Variants in PLEKHA7 observed in about 807,000 individuals in gnomAD.
The protein encoded by PLEKHA7 is pleckstrin homology domain containing A7.
PLEKHA7 carries 104 observed loss-of-function variants against 170.0 expected under a neutral mutation model. The observed-to-expected ratio is 0.61, with a 90% confidence interval of 0.52 to 0.72. The LOEUF (loss-of-function observed/expected upper bound fraction) is 0.72, where lower values mean the gene tolerates loss of function less well. PLEKHA7 is among the 30% of genes least tolerant of loss of function. The pLI, the probability that PLEKHA7 is intolerant of heterozygous loss-of-function variation, is 0.00. For synonymous variants in PLEKHA7, 648 were observed against 660.8 expected, an observed-to-expected ratio of 0.98 and a Z score of 0.30; for missense variants, 1,615 against 1,671.7, an observed-to-expected ratio of 0.97 and a Z score of 0.59.
At chr11:16,814,984 C>G (rs1849641508) in intron 12 of PLEKHA7, among the ~76,000 whole-genome samples, 3 of 152,256 alleles carry the variant, frequency 2.0e-5, no homozygotes, top group South Asian at 4.1e-4. Context: ...TGCAGCCCCC[C>G]TCCCCAGTGC....
intron 3 of PLEKHA7, among the ~76,000 whole-genome samples, chr11:17,011,810 C>A (rs1865336500): frequency 6.6e-6 from 1 of 152,196 alleles, no homozygotes; most frequent in Non-Finnish European, 1.5e-5. Flanking sequence ...CACTATCTGA[C>A]ATACTCATAT....
At chr11:16,852,404 T>A in intron 6 of PLEKHA7, 49 bp from the exon 7 acceptor site, 1 of 1,552,588 alleles carries the variant, frequency 6.4e-7, no homozygotes, top group East Asian at 2.3e-5. Flanking sequence ...CATACTGTTG[T>A]CCCTTTCCAA....
At chr11:16,938,865 A>G (rs1052821143) in intron 3 of PLEKHA7, among the ~76,000 whole-genome samples, 3 of 152,230 alleles carry the variant, frequency 2.0e-5, no homozygotes, top group African/African-American at 7.2e-5. Flanking sequence ...ATAATCAGAC[A>G]CAATTCAAGA....
chr11:16,896,540 TC>T (rs151299014), intron 3 of PLEKHA7, among the ~76,000 whole-genome samples: 1 of 151,992 alleles, frequency 6.6e-6, no homozygotes, highest in Middle Eastern at 3.2e-3. Context: ...ATCCTCTCCA[TC>T]CCCACAGCCA....
intron 3 of PLEKHA7, among the ~76,000 whole-genome samples, chr11:16,958,111 T>TTC (rs1175410180): frequency 1.2e-4 from 18 of 150,798 alleles, no homozygotes; most frequent in Non-Finnish European, 7.4e-5. Context: ...AGCCCAGGAG[T>TTC]TCAAGACTAG....
At chr11:16,981,644 G>A (rs763754455) in intron 3 of PLEKHA7, among the ~76,000 whole-genome samples, 8 of 152,142 alleles carry the variant, frequency 5.3e-5, no homozygotes, top group Non-Finnish European at 7.3e-5. Context: ...GTTGGGGGGC[G>A]GGGCGGGGAA....
intron 3 of PLEKHA7, among the ~76,000 whole-genome samples, chr11:16,987,625 A>G (rs751879853): frequency 2.6e-5 from 4 of 152,126 alleles, no homozygotes; most frequent in Admixed American, 6.5e-5. Context: ...GCCTCCCAGG[A>G]ACTCCTTACC....
At chr11:16,802,715 T>C (rs1848679782) in intron 15 of PLEKHA7, among the ~76,000 whole-genome samples, 2 of 152,094 alleles carry the variant, frequency 1.3e-5, no homozygotes, top group Non-Finnish European at 2.9e-5. Context: ...GCCCAGCTAA[T>C]TTTTGTATTT....
chr11:16,782,274 G>A (rs1849090633), intron 26 of PLEKHA7, among the ~76,000 whole-genome samples: 1 of 152,146 alleles, frequency 6.6e-6, no homozygotes, highest in African/African-American at 2.4e-5. Context: ...ACACTGTGAT[G>A]AGGTGAACAC....
chr11:16,956,167 GT>G (rs1861690489), intron 3 of PLEKHA7, among the ~76,000 whole-genome samples: 1 of 152,142 alleles, frequency 6.6e-6, no homozygotes, highest in Admixed American at 6.5e-5. Flanking sequence ...ACGTATGTGT[GT>G]GTACACATAC....
intron 8 of PLEKHA7, among the ~76,000 whole-genome samples, chr11:16,845,822 G>C (rs912202185): frequency 6.6e-6 from 1 of 152,172 alleles, no homozygotes; most frequent in African/African-American, 2.4e-5. Context: ...GAGAGAGATG[G>C]TGGTGGAGGC....
At chr11:16,885,718 G>A (rs1004650373) in intron 3 of PLEKHA7, among the ~76,000 whole-genome samples, 1 of 151,682 alleles carries the variant, frequency 6.6e-6, no homozygotes, top group African/African-American at 2.4e-5. Flanking sequence ...CCCCGGCCAG[G>A]CACAGTGGCT....
At chr11:16,805,802 A>AC (rs995396220) in intron 13 of PLEKHA7, among the ~76,000 whole-genome samples, 9 of 143,110 alleles carry the variant, frequency 6.3e-5, no homozygotes, top group African/African-American at 1.1e-4. Flanking sequence ...AAAAAAAAAA[A>AC]AAAAACAAAA....
intron 24 of PLEKHA7, 48 bp downstream of exon 24, chr11:16,786,181 T>C (rs1319120058): frequency 2.0e-6 from 3 of 1,528,804 alleles, no homozygotes; most frequent in South Asian, 2.4e-5. Context: ...GGCTGGGAAC[T>C]TGAAGGCCAT....
At chr11:16,802,184 A>G (rs897519323) in intron 15 of PLEKHA7, among the ~76,000 whole-genome samples, 4 of 152,256 alleles carry the variant, frequency 2.6e-5, no homozygotes, top group Non-Finnish European at 5.9e-5. Flanking sequence ...AACCTCCAGC[A>G]TCACGAATTT....
intron 8 of PLEKHA7, among the ~76,000 whole-genome samples, chr11:16,843,357 T>C (rs572268632): frequency 9.8e-5 from 15 of 152,358 alleles, no homozygotes; most frequent in Non-Finnish European, 1.9e-4. Flanking sequence ...GAATCACTAA[T>C]GGTCATAGAT....
chr11:16,908,781 C>T (rs1184832501), intron 3 of PLEKHA7, among the ~76,000 whole-genome samples: 1 of 152,340 alleles, frequency 6.6e-6, no homozygotes, highest in East Asian at 1.9e-4. Context: ...CAGGCATGAG[C>T]CACCGCGCCC....
chr11:16,816,090 G>A, intron 12 of PLEKHA7, 88 bp downstream of exon 12: 1 of 1,092,182 alleles, frequency 9.2e-7, no homozygotes, highest in Non-Finnish European at 1.4e-6. Flanking sequence ...GTTAATAGCT[G>A]CCCTCTGGAC....
chr11:16,928,443 A>ATTTTTTT (rs764854359), intron 3 of PLEKHA7, among the ~76,000 whole-genome samples: 2 of 138,818 alleles, frequency 1.4e-5, no homozygotes, highest in African/African-American at 5.3e-5. Flanking sequence ...TTGCCCCCAG[A>ATTTTTTT]TTTTTTTTTT....
Sources: allele counts gnomAD v4.1 joint callset (sites outside exome capture counted in the v4.1 genomes callset), GRCh38; gene constraint gnomAD v4.1.1; transcripts MANE v1.5; gene names NCBI Gene and HGNC (gene_info 2026-07-23, HGNC 2026-07-21).